Variants in EPN2 observed in about 807,000 individuals in gnomAD.
EPN2 encodes the protein epsin-2.
A neutral mutation model predicts 61.7 loss-of-function variants in EPN2; 34 were observed. The observed-to-expected ratio is 0.55, with a 90% confidence interval of 0.42 to 0.73. The LOEUF (loss-of-function observed/expected upper bound fraction) is 0.73, where lower values mean the gene tolerates loss of function less well. Ranked by LOEUF, EPN2 falls within the 30% of genes least tolerant of loss-of-function variation. The probability of loss-of-function intolerance (pLI) is 0.00; values close to 1 mark genes in which losing one functional copy is unlikely to be tolerated. For missense variants in EPN2, 714 were observed against 839.2 expected, an observed-to-expected ratio of 0.85 and a Z score of 1.84; for synonymous variants, 349 against 353.6, an observed-to-expected ratio of 0.99 and a Z score of 0.15.
At chr17:19,305,879 C>T (rs1287629663) in intron 4 of EPN2, 2 of 152,156 alleles carry the variant, frequency 1.3e-5, no homozygotes, top group South Asian at 2.1e-4. Context: ...CTCAGCCTCT[C>T]CCCCTTAGGC....
chr17:19,257,470 G>C (rs901965985), intron 1 of EPN2, among the ~76,000 whole-genome samples: 88 of 151,866 alleles, frequency 5.8e-4, no homozygotes, highest in African/African-American at 2.1e-3. Context: ...TCAAGTCCTA[G>C]TTCGGTCTGT....
Position 19,334,027 on chromosome 17 carries a change from C to G in EPN2, c.1699C>G (p.Leu567Val). Residue 567 changes from leucine (L) to valine (V), a missense_variant, in exon 11 of 11, where the codon CTT (leucine) becomes GTT (valine). Coordinates refer to ENST00000314728, the MANE Select transcript of EPN2 (RefSeq NM_014964.5). The surrounding 1 kb of genome is among the most constrained non-coding windows in gnomAD (Gnocchi z 4.9). Reference sequence around the variant, plus strand: ...GCCCCAGCCGCTGACACTGAACCAGCTTCGGGGGAGCCCAGTCCTGGGGAC... The same window carrying G: ...GCCCCAGCCGCTGACACTGAACCAGGTTCGGGGGAGCCCAGTCCTGGGGAC... ...NQPQPLTLNQLRGSPVLGTST... is the reference protein window; with the variant it reads ...NQPQPLTLNQVRGSPVLGTST... The G allele has an allele frequency of 6.2e-7, 1 of 1,603,926 alleles. No individual in the cohort carries two copies. Among genetic ancestry groups the G allele is most frequent in the Non-Finnish European group, 8.5e-7 (1 of 1,173,652 alleles).
At chr17:19,261,714 G>GA (rs2045143806) in intron 1 of EPN2, among the ~76,000 whole-genome samples, 1 of 152,208 alleles carries the variant, frequency 6.6e-6, no homozygotes, top group Non-Finnish European at 1.5e-5. Context: ...GGTGTATCAG[G>GA]ATGGGCTACA....
chr17:19,325,532 A>G (rs965080707), intron 7 of EPN2, among the ~76,000 whole-genome samples: 2 of 152,244 alleles, frequency 1.3e-5, no homozygotes, highest in East Asian at 3.8e-4. Flanking sequence ...TTAGCCATTT[A>G]TTTCCAAATT....
intron 4 of EPN2, among the ~76,000 whole-genome samples, chr17:19,307,757 G>A (rs1905920564): frequency 1.3e-5 from 2 of 152,124 alleles, no homozygotes; most frequent in African/African-American, 2.4e-5. Flanking sequence ...TCTCCTGCCC[G>A]GCCCCACCTC....
At position 19,283,466 on chromosome 17, in the gene EPN2, G is replaced by T. The variant is rs1345197618; in HGVS notation, c.347G>T (p.Gly116Val). The T allele has an allele frequency of 2.5e-6, 4 of 1,614,086 alleles. No homozygotes were observed. The African/African-American group carries it at 4.0e-5, about 16-fold the overall frequency. ...GACTTCCAGTACATTGACCGAGATGGCAAGGACCAGGGCATCAATGTGCGT... is the reference window on the plus strand; with the variant it reads ...GACTTCCAGTACATTGACCGAGATGTCAAGGACCAGGGCATCAATGTGCGT... ...LKDFQYIDRD[G>V]KDQGINVREK... The change falls in exon 3 of 11, where the codon GGC becomes GTC. Residue 116 changes from glycine to valine, a missense_variant. Coordinates refer to ENST00000314728, the MANE Select transcript of EPN2 (RefSeq NM_014964.5). This position sits in a 1 kb window ranked among gnomAD's most constrained non-coding sequence, Gnocchi z 7.0.
chr17:19,303,331 C>T (rs938231820), intron 4 of EPN2, among the ~76,000 whole-genome samples: 1 of 152,192 alleles, frequency 6.6e-6, no homozygotes, highest in African/African-American at 2.4e-5. Flanking sequence ...CTGAAAGTGT[C>T]TTGCTGCTGA....
At chr17:19,296,882 T>C (rs2152224240) in intron 4 of EPN2, 1 of 152,498 alleles carries the variant, frequency 6.6e-6, no homozygotes, top group African/African-American at 2.4e-5. Context: ...GTGCTGGGGT[T>C]ACGGGACTGA....
chr17:19,333,906 A>C (rs778666113), intron 10 of EPN2, 50 bp from the exon 11 acceptor site: 1 of 1,474,754 alleles, frequency 6.8e-7, no homozygotes, highest in East Asian at 2.4e-5. Flanking sequence ...GGGAGCTCAG[A>C]AAGCCACACC....
At chr17:19,305,453 A>G (rs975439010) in intron 4 of EPN2, among the ~76,000 whole-genome samples, 2 of 152,064 alleles carry the variant, frequency 1.3e-5, no homozygotes, top group Non-Finnish European at 2.9e-5. Context: ...TGTACTTGCC[A>G]CTTTCTTTCT....
At chr17:19,331,325 TGA>T (rs901383477) in intron 9 of EPN2, among the ~76,000 whole-genome samples, 15 of 152,148 alleles carry the variant, frequency 9.9e-5, no homozygotes, top group Non-Finnish European at 2.1e-4. Flanking sequence ...GGTTACTAAG[TGA>T]GAGAATGACT....
chr17:19,310,571 C>CTTTTT (rs71155391), intron 5 of EPN2, among the ~76,000 whole-genome samples: 2,661 of 80,868 alleles, frequency 0.033, 18 homozygotes, highest in Non-Finnish European at 0.046. Flanking sequence ...CTCCTTCTTT[C>CTTTTT]TTTTTTTTTT....
At chr17:19,312,287 G>C (rs1906180084) in intron 6 of EPN2, 143 bp downstream of exon 6, 1 of 637,330 alleles carries the variant, frequency 1.6e-6, no homozygotes, top group Non-Finnish European at 2.8e-6. Flanking sequence ...TAGTGAGCGA[G>C]AGCCAGGTGA....
At chr17:19,260,937 A>G (rs764924470) in intron 1 of EPN2, among the ~76,000 whole-genome samples, 5 of 152,134 alleles carry the variant, frequency 3.3e-5, no homozygotes, top group African/African-American at 4.8e-5. Flanking sequence ...ATATCAGTGC[A>G]TGGAGAATGG....
chr17:19,325,411 CTTTG>C (rs1369318218), intron 7 of EPN2, among the ~76,000 whole-genome samples: 1 of 152,196 alleles, frequency 6.6e-6, no homozygotes, highest in African/African-American at 2.4e-5. Context: ...TTATGAAGTA[CTTTG>C]TTTGCAAGAA....
Position 19,300,427 on chromosome 17 carries a change from CTTTTTTTTTT to C in EPN2, c.767-9448_767-9439del, listed in dbSNP as rs72338416. On this transcript the variant is annotated intron_variant, in intron 4 of 10. Coordinates refer to ENST00000314728, the MANE Select transcript of EPN2 (RefSeq NM_014964.5). Reference sequence around the variant, plus strand: ...TACATAAAAACAATAAACTGTAAATCTTTTTTTTTTTTTTTTTTTGGAGACAGAGTCGCTC... The same window carrying C: ...TACATAAAAACAATAAACTGTAAATCTTTTTTTTTGGAGACAGAGTCGCTC... Among the ~76,000 whole-genome samples, 19 of 108,936 alleles carry C rather than the reference CTTTTTTTTTT, an allele frequency of 1.7e-4. No individual in the cohort carries two copies. The East Asian group carries it at 5.8e-3, about 34-fold the overall frequency. 71.5% of individuals were successfully genotyped at this position (108,936 alleles called of 152,430 possible).
At chr17:19,330,341 C>T (rs1907101261) in intron 9 of EPN2, among the ~76,000 whole-genome samples, 1 of 152,144 alleles carries the variant, frequency 6.6e-6, no homozygotes, top group African/African-American at 2.4e-5. Flanking sequence ...TGCTTGCCTC[C>T]CCCAATTTCC....
At chr17:19,243,828 T>C (rs1009016908) in intron 1 of EPN2, among the ~76,000 whole-genome samples, 3 of 152,182 alleles carry the variant, frequency 2.0e-5, no homozygotes, top group Non-Finnish European at 4.4e-5. Context: ...TATGAGCCAC[T>C]GTGCCTGGCA....
intron 1 of EPN2, among the ~76,000 whole-genome samples, chr17:19,237,837 T>G (rs1319011979): frequency 6.6e-6 from 1 of 151,530 alleles, no homozygotes; most frequent in African/African-American, 2.4e-5. Flanking sequence ...GTCCCCAGAG[T>G]CCAGGGCGCC....
Sources: gnomAD v4.1 joint callset for allele counts (sites outside exome capture counted in the v4.1 genomes callset) on GRCh38, gnomAD v4.1.1 for gene constraint, Gnocchi (gnomAD v3.1) non-coding constraint, MANE v1.5 for transcripts, NCBI Gene and HGNC (gene_info 2026-07-23, HGNC 2026-07-21) for gene names.